The following TXNDC16 variants were observed in gnomAD, a reference collection of about 807,000 sequenced individuals.
TXNDC16 encodes the protein thioredoxin domain-containing protein 16.
Under a neutral mutation model 85.6 loss-of-function variants are expected in TXNDC16, and 74 were observed. That is an observed-to-expected ratio of 0.86 (90% confidence interval 0.72 to 1.05). The LOEUF (loss-of-function observed/expected upper bound fraction) is 1.05. Among genes scored for constraint, TXNDC16 ranks in the 50% least tolerant of loss-of-function variants. The probability of loss-of-function intolerance (pLI) is 0.00; values close to 1 mark genes in which losing one functional copy is unlikely to be tolerated. For missense variants in TXNDC16, 959 were observed against 947.0 expected, an observed-to-expected ratio of 1.01 and a Z score of -0.17; for synonymous variants, 335 against 326.5, an observed-to-expected ratio of 1.03 and a Z score of -0.28.
intron 20 of TXNDC16, among the ~76,000 whole-genome samples, chr14:52,436,180 T>C (rs559038181): frequency 3.0e-4 from 45 of 152,200 alleles, no homozygotes; most frequent in African/African-American, 1.1e-3. Context: ...CAACTGTCCA[T>C]CAACTAAGGA....
intron 18 of TXNDC16, among the ~76,000 whole-genome samples, chr14:52,441,434 C>A (rs976675466): frequency 2.0e-5 from 3 of 151,998 alleles, no homozygotes; most frequent in African/African-American, 7.2e-5. Flanking sequence ...CATGGCAAAA[C>A]CCTGTCTCTA....
At chr14:52,527,369 A>C (rs1206430196) in intron 6 of TXNDC16, among the ~76,000 whole-genome samples, 1 of 152,224 alleles carries the variant, frequency 6.6e-6, no homozygotes, top group Non-Finnish European at 1.5e-5. Context: ...TGTGTGGAGA[A>C]GACTCCTCAA....
intron 7 of TXNDC16, 28 bp downstream of exon 7, chr14:52,519,144 A>G: frequency 6.3e-7 from 1 of 1,598,746 alleles, no homozygotes; most frequent in Admixed American, 1.7e-5. Flanking sequence ...GAGGCACAGC[A>G]AAGATTAAAG....
Position 52,537,561 on chromosome 14 carries a change from C to T in TXNDC16, c.317+38G>A, listed in dbSNP as rs111827099. 17 of 1,357,056 alleles carry T rather than the reference C, an allele frequency of 1.3e-5. No homozygotes were observed. The African/African-American group carries it at 1.3e-4, about 10-fold the overall frequency. The allele number at this position is 1,357,056 out of a possible 1,614,324, so 84.1% of individuals were successfully genotyped here. On this transcript the variant is annotated intron_variant, in intron 5 of 20. Transcript: ENST00000281741. Reference sequence around the variant, plus strand: ...ATATTTGAATATTCTAGAAGTATAGCTTTGTATTTGTCCAGCACACTCAGG... The same window carrying T: ...ATATTTGAATATTCTAGAAGTATAGTTTTGTATTTGTCCAGCACACTCAGG...
intron 14 of TXNDC16, among the ~76,000 whole-genome samples, chr14:52,475,612 T>G (rs945279547): frequency 4.6e-5 from 7 of 152,038 alleles, no homozygotes; most frequent in Admixed American, 6.6e-5. Flanking sequence ...CTTAGGAACA[T>G]AACTCCATTG....
chr14:52,462,085 C>CACAT (rs2035664938), intron 16 of TXNDC16, among the ~76,000 whole-genome samples: 2 of 152,324 alleles, frequency 1.3e-5, no homozygotes, highest in African/African-American at 4.8e-5. Flanking sequence ...CCAAATATCA[C>CACAT]ACATACATAA....
intron 9 of TXNDC16, among the ~76,000 whole-genome samples, chr14:52,494,158 T>TAA (rs1555338429): frequency 6.6e-6 from 1 of 151,972 alleles, no homozygotes; most frequent in Non-Finnish European, 1.5e-5. Flanking sequence ...TATATATATA[T>TAA]AAAGTACTCA....
intron 6 of TXNDC16, among the ~76,000 whole-genome samples, chr14:52,528,824 T>C (rs1445254305): frequency 3.5e-5 from 5 of 143,124 alleles, no homozygotes; most frequent in Middle Eastern, 3.6e-3. Flanking sequence ...ATATATATTA[T>C]ACCTAGGTAT....
chr14:52,490,512 G>A, intron 10 of TXNDC16, 61 bp from the exon 11 acceptor site: 4 of 1,229,316 alleles, frequency 3.3e-6, no homozygotes, highest in Non-Finnish European at 4.6e-6. Flanking sequence ...AGTCACCCAG[G>A]ACTTCAATAG....
At chr14:52,435,483 G>A (rs1337555225) in intron 20 of TXNDC16, among the ~76,000 whole-genome samples, 1 of 152,130 alleles carries the variant, frequency 6.6e-6, no homozygotes, top group Non-Finnish European at 1.5e-5. Flanking sequence ...TGAGAATGAA[G>A]TAGTCAAAGA....
chr14:52,534,495 C>CA (rs1336523027), intron 6 of TXNDC16, among the ~76,000 whole-genome samples: 1 of 151,582 alleles, frequency 6.6e-6, no homozygotes, highest in Non-Finnish European at 1.5e-5. Context: ...CCAGGTAAGC[C>CA]AAAAAAAAGA....
intron 1 of TXNDC16, among the ~76,000 whole-genome samples, chr14:52,547,444 T>C (rs1417524079): frequency 4.4e-4 from 67 of 152,174 alleles, no homozygotes. Context: ...TTGTTGAATC[T>C]AATAATAATT....
chr14:52,524,846 C>T (rs1354873861), intron 6 of TXNDC16, among the ~76,000 whole-genome samples: 1 of 151,228 alleles, frequency 6.6e-6, no homozygotes, highest in Non-Finnish European at 1.5e-5. Context: ...ATGGGCTGGG[C>T]GTGGTGGCTC....
At chr14:52,474,320 C>T (rs570214896) in intron 14 of TXNDC16, among the ~76,000 whole-genome samples, 1 of 152,202 alleles carries the variant, frequency 6.6e-6, no homozygotes, top group Non-Finnish European at 1.5e-5. Flanking sequence ...TCCTCCTTTG[C>T]TTTTCTTCTA....
chr14:52,551,571 T>C (rs1258026052), intron 1 of TXNDC16, among the ~76,000 whole-genome samples: 2 of 151,986 alleles, frequency 1.3e-5, no homozygotes, highest in Non-Finnish European at 2.9e-5. Context: ...TTCACAAGGA[T>C]ACTGAATTCG....
intron 18 of TXNDC16, among the ~76,000 whole-genome samples, chr14:52,442,971 T>C (rs944019115): frequency 3.3e-5 from 5 of 152,190 alleles, no homozygotes; most frequent in African/African-American, 1.2e-4. Context: ...GAAAACTTAT[T>C]GGTTCGAAAT....
chr14:52,443,640 A>G (rs2035213909), intron 18 of TXNDC16, among the ~76,000 whole-genome samples: 1 of 152,214 alleles, frequency 6.6e-6, no homozygotes, highest in Non-Finnish European at 1.5e-5. Context: ...AGGATGCCAG[A>G]GTTAGGCATG....
chr14:52,511,295 G>A lies in TXNDC16; in HGVS notation c.701C>T (p.Pro234Leu). 6.2e-7 allele frequency: 1 copy of A among 1,607,222 alleles called. No homozygotes were observed. Among genetic ancestry groups the A allele is most frequent in the South Asian group, 1.1e-5 (1 of 90,110 alleles). Residue 234 changes from proline to leucine, a missense_variant, in exon 9 of 21, where the codon CCA becomes CTA. Pro to Leu is a moderately conservative substitution (Grantham distance 98). Coordinates refer to ENST00000281741, the MANE Select transcript of TXNDC16 (RefSeq NM_020784.3). ...CAGGTGAATGTTCAGTGTAGTCAAT[G>A]GCTGTTCCATTAGTGTTCTTCTACA... ...QQCRRTLMEQ[P>L]LTTLNIHLFI...
At chr14:52,525,049 G>C (rs1292513393) in intron 6 of TXNDC16, among the ~76,000 whole-genome samples, 1 of 151,904 alleles carries the variant, frequency 6.6e-6, no homozygotes, top group African/African-American at 2.4e-5. Context: ...GTGAACCCAG[G>C]AGGTGGGGGT....
Sources: gnomAD v4.1 joint callset for allele counts (sites outside exome capture counted in the v4.1 genomes callset) on GRCh38, gnomAD v4.1.1 for gene constraint, MANE v1.5 for transcripts, NCBI Gene and HGNC (gene_info 2026-07-23, HGNC 2026-07-21) for gene names.